Variants in TRAPPC9 observed in about 807,000 individuals in gnomAD.
The protein encoded by TRAPPC9 is trafficking protein particle complex subunit 9.
Under a neutral mutation model 124.0 loss-of-function variants are expected in TRAPPC9, and 83 were observed. That is an observed-to-expected ratio of 0.67 (90% CI 0.56 to 0.80). The LOEUF is 0.80. TRAPPC9 is among the 30% of genes least tolerant of loss of function. TRAPPC9 has a pLI of 0.00. For missense variants in TRAPPC9, 1,302 were observed against 1,508.3 expected (o/e 0.86, Z 2.27); for synonymous variants, 638 against 617.5 (o/e 1.03, Z -0.49).
chr8:139,957,708 T>A (rs1835091665), intron 19 of TRAPPC9, among the ~76,000 whole-genome samples: 1 of 152,036 alleles, frequency 6.6e-6, no homozygotes, highest in South Asian at 2.1e-4. Context: ...CAGGAAACCC[T>A]CAGCCACAGC....
intron 21 of TRAPPC9, among the ~76,000 whole-genome samples, chr8:139,748,401 G>A (rs1165566956): frequency 1.5e-5 from 2 of 129,528 alleles, no homozygotes; most frequent in Non-Finnish European, 3.2e-5. Context: ...GTCAGAGCAG[G>A]TGTGGGGGCT....
chr8:139,998,982 G>T (rs1030128846), intron 18 of TRAPPC9, among the ~76,000 whole-genome samples: 5 of 151,986 alleles, frequency 3.3e-5, no homozygotes, highest in African/African-American at 1.2e-4. Flanking sequence ...GCTCTACAAA[G>T]AGATAAAGTT....
chr8:140,337,610 C>T (rs561426944), intron 9 of TRAPPC9, among the ~76,000 whole-genome samples: 8 of 152,304 alleles, frequency 5.3e-5, no homozygotes, highest in Non-Finnish European at 1.2e-4. Flanking sequence ...CGCCTCCCTC[C>T]GGCTCTGCCA....
At chr8:139,872,971 G>A (rs146671794) in intron 21 of TRAPPC9, among the ~76,000 whole-genome samples, 2,058 of 2,078 alleles carry the variant, frequency 0.99, 1,028 homozygotes, top group Middle Eastern at 1. Context: ...TGGTTGGTTT[G>A]GTGGATAAAT....
intron 21 of TRAPPC9, among the ~76,000 whole-genome samples, chr8:139,813,458 G>A (rs974948633): frequency 5.9e-5 from 9 of 152,228 alleles, no homozygotes; most frequent in East Asian, 3.9e-4. Flanking sequence ...CCTCTAGAAC[G>A]ATGGCAGATG....
intron 19 of TRAPPC9, among the ~76,000 whole-genome samples, chr8:139,939,400 C>T (rs889190434): frequency 6.6e-6 from 1 of 152,198 alleles, no homozygotes; most frequent in African/African-American, 2.4e-5. Flanking sequence ...GAGAGGGCAG[C>T]CCCTGGCGAG....
chr8:139,896,294 C>A (rs1225274853), intron 20 of TRAPPC9, among the ~76,000 whole-genome samples: 2 of 152,146 alleles, frequency 1.3e-5, no homozygotes, highest in African/African-American at 4.8e-5. Context: ...TACGTGGACC[C>A]TGGCATTTGG....
At chr8:139,878,676 AATT>A in intron 21 of TRAPPC9, among the ~76,000 whole-genome samples, 1 of 152,276 alleles carries the variant, frequency 6.6e-6, no homozygotes, top group Non-Finnish European at 1.5e-5. Context: ...GTTGCTTTGA[AATT>A]AGAGGCTGGG....
chr8:140,332,916 C>G (rs935586097), intron 9 of TRAPPC9, among the ~76,000 whole-genome samples: 1 of 152,064 alleles, frequency 6.6e-6, no homozygotes, highest in Non-Finnish European at 1.5e-5. Flanking sequence ...GGGAGGATCA[C>G]GAGTTCAAGA....
chr8:140,291,766 C>T (rs565163332), intron 11 of TRAPPC9, among the ~76,000 whole-genome samples: 2 of 152,304 alleles, frequency 1.3e-5, no homozygotes, highest in East Asian at 3.9e-4. Flanking sequence ...CAGGTGAGAC[C>T]GCACAGGAGA....
chr8:139,799,505 A>G (rs1311769309), intron 21 of TRAPPC9, among the ~76,000 whole-genome samples: 1 of 152,138 alleles, frequency 6.6e-6, no homozygotes, highest in African/African-American at 2.4e-5. Context: ...CCCTCTCTGA[A>G]TCACCCACTG....
chr8:140,336,953 A>C (rs1427590691), intron 9 of TRAPPC9, among the ~76,000 whole-genome samples: 3 of 152,196 alleles, frequency 2.0e-5, no homozygotes, highest in African/African-American at 7.2e-5. Flanking sequence ...TAAGCTTCCA[A>C]AACTTAGAAA....
At chr8:139,736,043 A>G (rs773324121) in intron 21 of TRAPPC9, among the ~76,000 whole-genome samples, 1 of 152,144 alleles carries the variant, frequency 6.6e-6, no homozygotes, top group Admixed American at 6.5e-5. Flanking sequence ...CCGTTTGACA[A>G]CTGGTGCCCC....
At chr8:139,937,143 A>T (rs894877844) in intron 19 of TRAPPC9, among the ~76,000 whole-genome samples, 1 of 152,246 alleles carries the variant, frequency 6.6e-6, no homozygotes, top group African/African-American at 2.4e-5. Context: ...GCTGCATCCC[A>T]GGAGGGGGCT....
intron 18 of TRAPPC9, among the ~76,000 whole-genome samples, chr8:140,006,863 A>G (rs1420583506): frequency 6.6e-6 from 1 of 152,196 alleles, no homozygotes; most frequent in African/African-American, 2.4e-5. Context: ...CGATGGGTAC[A>G]GGGTTTCTTC....
At chr8:140,204,622 T>G (rs1224032518) in intron 17 of TRAPPC9, among the ~76,000 whole-genome samples, 3 of 151,976 alleles carry the variant, frequency 2.0e-5, no homozygotes, top group Non-Finnish European at 4.4e-5. Flanking sequence ...TAAAGTATAA[T>G]AAAAAAATAA....
intron 17 of TRAPPC9, among the ~76,000 whole-genome samples, chr8:140,038,987 G>A (rs770071817): frequency 2.6e-5 from 4 of 152,164 alleles, no homozygotes; most frequent in African/African-American, 7.2e-5. Flanking sequence ...GGGAAGGAGC[G>A]GAGCGAGAAG....
chr8:140,215,738 G>A (rs976818883), intron 17 of TRAPPC9, among the ~76,000 whole-genome samples: 4 of 151,708 alleles, frequency 2.6e-5, no homozygotes, highest in African/African-American at 4.8e-5. Context: ...CTAAACTTCC[G>A]CTTCCCCACT....
intron 16 of TRAPPC9, among the ~76,000 whole-genome samples, chr8:140,240,294 G>A (rs1340265529): frequency 2.6e-5 from 4 of 152,070 alleles, no homozygotes; most frequent in Non-Finnish European, 5.9e-5. Flanking sequence ...GGGAGCTCAC[G>A]AAACTACTTG....
Sources: gnomAD v4.1 joint callset for allele counts (sites outside exome capture counted in the v4.1 genomes callset) on GRCh38, gnomAD v4.1.1 for gene constraint, MANE v1.5 for transcripts, NCBI Gene and HGNC (gene_info 2026-07-23, HGNC 2026-07-21) for gene names.